TCF4: variants seen among roughly 807,000 people sequenced by gnomAD.
TCF4 encodes SL3-3 enhancer factor 2.
A neutral mutation model predicts 82.1 loss-of-function variants in TCF4; 3 were observed. That is an observed-to-expected ratio of 0.04 (90% confidence interval 0.02 to 0.09). TCF4 has a LOEUF of 0.09. Ranked by LOEUF, TCF4 falls within the 10% of genes least tolerant of loss-of-function variation. The pLI is 1.00. For missense variants in TCF4, 518 were observed against 852.7 expected, an observed-to-expected ratio of 0.61 and a Z score of 4.89; for synonymous variants, 276 against 309.6, an observed-to-expected ratio of 0.89 and a Z score of 1.14.
intron 2 of TCF4, among the ~76,000 whole-genome samples, chr18:55,606,581 C>G (rs996470093): frequency 6.6e-5 from 10 of 152,068 alleles, no homozygotes; most frequent in Non-Finnish European, 1.5e-4. Context: ...TTTTGTCAAC[C>G]CAAAGTTTGG....
At chr18:55,539,801 A>G (rs1364224129) in intron 3 of TCF4, among the ~76,000 whole-genome samples, 1 of 152,198 alleles carries the variant, frequency 6.6e-6, no homozygotes, top group Non-Finnish European at 1.5e-5. Flanking sequence ...ACACCAATAA[A>G]TTAAAAATAC....
chr18:55,278,048 G>A (rs1254334300), intron 9 of TCF4, among the ~76,000 whole-genome samples: 1 of 152,092 alleles, frequency 6.6e-6, no homozygotes, highest in Non-Finnish European at 1.5e-5. Flanking sequence ...ATTATGCGTG[G>A]AACAAATTCT....
chr18:55,427,337 C>T (rs1275699669), intron 5 of TCF4, among the ~76,000 whole-genome samples: 1 of 152,118 alleles, frequency 6.6e-6, no homozygotes, highest in African/African-American at 2.4e-5. Context: ...TATGAGTGTC[C>T]ATTTTCTCAT....
At chr18:55,342,762 G>C (rs2080275260) in intron 8 of TCF4, among the ~76,000 whole-genome samples, 1 of 152,070 alleles carries the variant, frequency 6.6e-6, no homozygotes. Flanking sequence ...TTCATAAAAA[G>C]CAAGCCAGAA....
chr18:55,562,036 T>C (rs181303094), intron 3 of TCF4, among the ~76,000 whole-genome samples: 11 of 152,258 alleles, frequency 7.2e-5, no homozygotes, highest in Admixed American at 2.6e-4. Flanking sequence ...CAAACTACAG[T>C]CCCCTGGGCA....
intron 15 of TCF4, among the ~76,000 whole-genome samples, chr18:55,244,394 C>A (rs1278735162): frequency 6.6e-6 from 1 of 152,170 alleles, no homozygotes; most frequent in African/African-American, 2.4e-5. Context: ...GACTAGAGCG[C>A]CTTGGGCTCT....
intron 8 of TCF4, among the ~76,000 whole-genome samples, chr18:55,300,118 A>ACG: frequency 6.6e-6 from 1 of 151,814 alleles, no homozygotes; most frequent in East Asian, 1.9e-4. Flanking sequence ...ACACACACAC[A>ACG]CACACACCCC....
At chr18:55,614,792 G>A (rs1454327054) in intron 2 of TCF4, among the ~76,000 whole-genome samples, 1 of 151,890 alleles carries the variant, frequency 6.6e-6, no homozygotes, top group Non-Finnish European at 1.5e-5. Flanking sequence ...TTCTGTTTTG[G>A]ATCATGCTTT....
chr18:55,269,837 T>C lies in TCF4; in HGVS notation c.916A>G (p.Ile306Val). Residue 306 changes from isoleucine to valine, a missense_variant, in exon 11 of 20, where the codon ATA becomes GTA. Around this residue, in one of 7 missense-constraint regions of TCF4, gnomAD observed 211 missense variants for 327.4 expected, o/e 0.64. Coordinates refer to ENST00000354452, the MANE Select transcript of TCF4 (RefSeq NM_001083962.2). ...CTPPANGTDS[I>V]MANRGSGAAG... ...TGGCATTTCTGTGACTCACCCATTATACTGTCTGTCCCGTTGGCAGGAGGC... is the reference window on the plus strand; with the variant it reads ...TGGCATTTCTGTGACTCACCCATTACACTGTCTGTCCCGTTGGCAGGAGGC... The C allele has an allele frequency of 6.2e-7, 1 of 1,613,120 alleles. No homozygotes were observed. The highest frequency in any genetic ancestry group is 1.3e-5 in the African/African-American group (1 of 74,978).
At chr18:55,477,461 T>C (rs772940222) in intron 3 of TCF4, among the ~76,000 whole-genome samples, 5 of 152,228 alleles carry the variant, frequency 3.3e-5, no homozygotes, top group Non-Finnish European at 7.3e-5. Context: ...TACGGTGTTA[T>C]AATGACTGAG....
At position 55,487,289 on chromosome 18, in the gene TCF4, C is replaced by T. The variant is rs1603560969; in HGVS notation, c.146-23152G>A. Among the ~76,000 whole-genome samples the T allele has an allele frequency of 2.0e-5, 3 of 152,166 alleles. No individual in the cohort carries two copies. The East Asian group carries it at 5.8e-4, about 29-fold the overall frequency. On this transcript the variant is annotated intron_variant, in intron 3 of 19. Coordinates refer to ENST00000354452, the MANE Select transcript of TCF4 (RefSeq NM_001083962.2). ...TAAATGCATAATGCCATTGAGGAAA[C>T]ACTCACACACAGATATCAATCAATC... is the stretch of plus-strand genomic sequence containing the variant.
At chr18:55,432,034 G>A (rs1291930048) in intron 5 of TCF4, among the ~76,000 whole-genome samples, 1 of 152,186 alleles carries the variant, frequency 6.6e-6, no homozygotes, top group African/African-American at 2.4e-5. Flanking sequence ...GGGCAAGGTG[G>A]CTCATGCCTG....
At chr18:55,447,935 T>C (rs1357605804) in intron 5 of TCF4, among the ~76,000 whole-genome samples, 4 of 147,120 alleles carry the variant, frequency 2.7e-5, no homozygotes, top group African/African-American at 1.0e-4. Context: ...AGAAAAGGCT[T>C]TCGCTCTGAA....
intron 5 of TCF4, among the ~76,000 whole-genome samples, chr18:55,418,933 T>A (rs1387098667): frequency 6.6e-6 from 1 of 152,164 alleles, no homozygotes; most frequent in Non-Finnish European, 1.5e-5. Flanking sequence ...CATACATACA[T>A]ATTTATAAAA....
At chr18:55,533,583 A>C (rs2146779259) in intron 3 of TCF4, among the ~76,000 whole-genome samples, 1 of 152,318 alleles carries the variant, frequency 6.6e-6, no homozygotes, top group East Asian at 1.9e-4. Context: ...ATCTTCAAAG[A>C]TAAGTTTTCC....
chr18:55,349,976 C>G (rs916099854), intron 8 of TCF4, among the ~76,000 whole-genome samples: 1 of 152,114 alleles, frequency 6.6e-6, no homozygotes, highest in African/African-American at 2.4e-5. Flanking sequence ...TTCCTAAATC[C>G]TCTCCACAAA....
At chr18:55,260,363 G>T (rs2057784982) in intron 12 of TCF4, among the ~76,000 whole-genome samples, 1 of 152,168 alleles carries the variant, frequency 6.6e-6, no homozygotes, top group Non-Finnish European at 1.5e-5. Flanking sequence ...ACAATGAGAG[G>T]TTGAACAGGA....
At chr18:55,300,401 G>C (rs73488997) in intron 8 of TCF4, among the ~76,000 whole-genome samples, 8,138 of 144,568 alleles carry the variant, frequency 0.056, 278 homozygotes, top group African/African-American at 0.1. Flanking sequence ...GCAGGGGCAG[G>C]GAATGCAAAG....
At chr18:55,581,664 C>A (rs2097576151) in intron 3 of TCF4, among the ~76,000 whole-genome samples, 1 of 152,040 alleles carries the variant, frequency 6.6e-6, no homozygotes, top group South Asian at 2.1e-4. Context: ...TTTTCTGTAT[C>A]ATACAAAACT....
Sources: gnomAD v4.1 joint callset for allele counts (sites outside exome capture counted in the v4.1 genomes callset) on GRCh38, gnomAD v4.1.1 for gene constraint, gnomAD v4.1.1 regional missense constraint, MANE v1.5 for transcripts, NCBI Gene and HGNC (gene_info 2026-07-23, HGNC 2026-07-21) for gene names.